Variants in LYST observed in about 807,000 individuals in gnomAD.
LYST encodes lysosomal-trafficking regulator.
Under a neutral mutation model 413.6 loss-of-function variants are expected in LYST, and 192 were observed. That is an observed-to-expected ratio of 0.46 (90% confidence interval 0.41 to 0.52). The LOEUF is 0.52. Ranked by LOEUF, LYST falls within the 20% of genes least tolerant of loss-of-function variation. The pLI, the probability that LYST is intolerant of heterozygous loss-of-function variation, is 0.00. For missense variants in LYST, 3,815 were observed against 4,499.9 expected, an observed-to-expected ratio of 0.85 and a Z score of 4.35; for synonymous variants, 1,525 against 1,567.3, an observed-to-expected ratio of 0.97 and a Z score of 0.64.
At chr1:235,682,505 T>G (rs143853773) in intron 48 of LYST, among the ~76,000 whole-genome samples, 1,699 of 152,266 alleles carry the variant, frequency 0.011, 11 homozygotes, top group Non-Finnish European at 0.019. Context: ...GGAGAGGCCA[T>G]GAGCCAGGTG....
chr1:235,702,818 C>G lies in LYST; in HGVS notation c.10303G>C (p.Ala3435Pro), dbSNP rs775576319. The G allele has an allele frequency of 6.2e-7, 1 of 1,614,206 alleles. No individual in the cohort carries two copies. The highest frequency in any genetic ancestry group is 1.1e-5 in the South Asian group (1 of 91,088). Residue 3435 changes from alanine (A) to proline (P), a missense_variant, in exon 45 of 53, where the codon GCT (alanine) becomes CCT (proline). Ala to Pro is a conservative substitution (Grantham distance 27). Transcript: ENST00000389793. ...AACTGCACTAGCAACCCCACAGCAG[C>G]TGGAAGCTCTCCTTCAATATTGAGC... ...AKLNIEGELP[A>P]AVGLLVQFAF...
chr1:235,831,313 C>CTG (rs2103002008), intron 2 of LYST, among the ~76,000 whole-genome samples: 1 of 152,272 alleles, frequency 6.6e-6, no homozygotes, highest in Admixed American at 6.5e-5. Context: ...AAGCTCTGGG[C>CTG]CCCAGTTCAG....
rs532298017 is a variant in LYST, at chr1:235,808,787, G to C, written c.2031C>G (p.Ile677Met). 3 of 1,613,960 alleles carry C rather than the reference G, an allele frequency of 1.9e-6. No individual in the cohort carries two copies. The highest frequency in any genetic ancestry group is 4.5e-5 in the East Asian group (2 of 44,862). ...LSSPSYRFQGILPSSGSEDLL... is the reference protein window; with the variant it reads ...LSSPSYRFQGMLPSSGSEDLL... Reference sequence around the variant, plus strand: ...AATCTTCAGATCCACTGCTGGGCAGGATCCCTTGAAATCTGTAAGAAGGAC... The same window carrying C: ...AATCTTCAGATCCACTGCTGGGCAGCATCCCTTGAAATCTGTAAGAAGGAC... The change falls in exon 5 of 53, where the codon ATC becomes ATG. Residue 677 changes from isoleucine (I) to methionine (M), a missense_variant. Ile to Met is a conservative substitution (Grantham distance 10). Around this residue, in one of 4 missense-constraint regions of LYST, gnomAD observed 1,648 missense variants for 1,810.3 expected, o/e 0.91. Coordinates refer to ENST00000389793, the MANE Select transcript of LYST (RefSeq NM_000081.4).
At chr1:235,858,562 C>T (rs1279614220) in intron 1 of LYST, among the ~76,000 whole-genome samples, 3 of 152,102 alleles carry the variant, frequency 2.0e-5, no homozygotes, top group Admixed American at 1.3e-4. Flanking sequence ...TTCCATTAAT[C>T]CTGCACTTGA....
intron 50 of LYST, among the ~76,000 whole-genome samples, chr1:235,675,867 G>A (rs888763384): frequency 6.6e-6 from 1 of 152,052 alleles, no homozygotes; most frequent in Non-Finnish European, 1.5e-5. Context: ...TCAGAGAACT[G>A]GTTAGTCTCT....
intron 1 of LYST, among the ~76,000 whole-genome samples, chr1:235,864,111 T>C (rs1680216253): frequency 6.6e-6 from 1 of 152,202 alleles, no homozygotes; most frequent in African/African-American, 2.4e-5. Context: ...CAATTTTCCA[T>C]CCACGATCCC....
At chr1:235,873,332 A>G (rs926905815) in intron 1 of LYST, among the ~76,000 whole-genome samples, 1 of 152,224 alleles carries the variant, frequency 6.6e-6, no homozygotes, top group Non-Finnish European at 1.5e-5. Context: ...TGTGGGCAAC[A>G]GTGTCATTAA....
intron 8 of LYST, 91 bp downstream of exon 8, chr1:235,802,817 C>CA: frequency 8.1e-7 from 1 of 1,235,476 alleles, no homozygotes; most frequent in Non-Finnish European, 1.2e-6. Flanking sequence ...TAAGGCAATA[C>CA]AAAATTCTAA....
At chr1:235,868,399 G>T (rs111627430), upstream of LYST, among the ~76,000 whole-genome samples, 4,199 of 152,144 alleles carry the variant, frequency 0.028, 192 homozygotes, top group African/African-American at 0.096. Flanking sequence ...AACCTGTTTC[G>T]TCATTTTACC....
At chr1:235,798,811 G>A (rs1400417259) in intron 10 of LYST, among the ~76,000 whole-genome samples, 4 of 151,972 alleles carry the variant, frequency 2.6e-5, no homozygotes, top group Non-Finnish European at 5.9e-5. Flanking sequence ...TGATTGCCAG[G>A]GGCAGAAGAA....
chr1:235,784,180 T>C (rs1469405560), intron 14 of LYST, among the ~76,000 whole-genome samples: 2 of 152,212 alleles, frequency 1.3e-5, no homozygotes, highest in Non-Finnish European at 2.9e-5. Context: ...ATGCCTGGCC[T>C]AGAAATTATT....
intron 19 of LYST, among the ~76,000 whole-genome samples, chr1:235,771,838 T>C (rs1415234998): frequency 2.0e-5 from 3 of 151,512 alleles, no homozygotes; most frequent in Non-Finnish European, 2.9e-5. Context: ...ATAGGAAGAA[T>C]AGAAAATTCT....
intron 14 of LYST, 95 bp from the exon 15 acceptor site, chr1:235,782,182 T>TC (rs1669937479): frequency 2.1e-6 from 1 of 486,186 alleles, no homozygotes; most frequent in East Asian, 6.6e-5. Context: ...GGGGAATTCT[T>TC]TTTTTTTTTT....
At chr1:235,843,458 TAAACTACCCCAC>T (rs1558330136) in intron 1 of LYST, among the ~76,000 whole-genome samples, 1 of 152,166 alleles carries the variant, frequency 6.6e-6, no homozygotes, top group African/African-American at 2.4e-5. Context: ...GCCTCTTCCA[TAAACTACCCCAC>T]AGAGTTGCTA....
At chr1:235,832,974 C>T (rs12069810) in intron 2 of LYST, among the ~76,000 whole-genome samples, 7,931 of 152,040 alleles carry the variant, frequency 0.052, 706 homozygotes, top group African/African-American at 0.18. Context: ...TATATCTAAA[C>T]TTCTGAGCTT....
chr1:235,731,031 C>T lies in LYST; in HGVS notation c.8947+1G>A. On this transcript the variant is annotated splice_donor_variant, in intron 35 of 52. Transcript: ENST00000389793. LOFTEE classifies it high-confidence loss of function. Reference sequence around the variant, plus strand: ...ATGTTGAGTCAAGAAGCCACTATTACCTTCTGATTTCTGTCTATCCCTAAG... The same window carrying T: ...ATGTTGAGTCAAGAAGCCACTATTATCTTCTGATTTCTGTCTATCCCTAAG... 6.2e-7 allele frequency: 1 copy of T among 1,612,640 alleles called. No homozygotes were observed. Among genetic ancestry groups the T allele is most frequent in the Non-Finnish European group, 8.5e-7 (1 of 1,178,664 alleles).
intron 20 of LYST, among the ~76,000 whole-genome samples, chr1:235,766,727 G>A (rs1039453487): frequency 2.0e-5 from 3 of 152,078 alleles, no homozygotes; most frequent in Admixed American, 6.5e-5. Context: ...TCTTAGAATA[G>A]TGCCTTGCAT....
At chr1:235,700,798 T>C (rs1260303247) in intron 45 of LYST, among the ~76,000 whole-genome samples, 1 of 152,236 alleles carries the variant, frequency 6.6e-6, no homozygotes, top group Non-Finnish European at 1.5e-5. Context: ...GTCTATTATA[T>C]GCCCAGGACC....
intron 1 of LYST, among the ~76,000 whole-genome samples, chr1:235,834,860 A>G (rs1002124330): frequency 6.6e-6 from 1 of 152,124 alleles, no homozygotes; most frequent in African/African-American, 2.4e-5. Context: ...CCTGGAATAG[A>G]GTCCTAACAC....
Sources: allele counts gnomAD v4.1 joint callset (sites outside exome capture counted in the v4.1 genomes callset), GRCh38; gene constraint gnomAD v4.1.1; regional missense constraint gnomAD v4.1.1; transcripts MANE v1.5; gene names NCBI Gene and HGNC (gene_info 2026-07-23, HGNC 2026-07-21).